ZNF385B: variants seen among roughly 807,000 people sequenced by gnomAD.
The protein encoded by ZNF385B is zinc finger protein 533.
In ZNF385B, 23 loss-of-function variants were observed where a neutral mutation model predicts 39.2. That is an observed-to-expected ratio of 0.59 (90% CI 0.42 to 0.83). The LOEUF is 0.83. ZNF385B is among the 40% of genes least tolerant of loss of function. ZNF385B has a pLI of 0.00. For synonymous variants in ZNF385B, 205 were observed against 222.6 expected, an observed-to-expected ratio of 0.92 and a Z score of 0.70; for missense variants, 552 against 598.9, an observed-to-expected ratio of 0.92 and a Z score of 0.82.
intron 5 of ZNF385B, among the ~76,000 whole-genome samples, chr2:179,503,873 TC>T (rs2056988923): frequency 7.0e-6 from 1 of 142,456 alleles, no homozygotes; most frequent in Admixed American, 7.0e-5. Flanking sequence ...TTTTTTTTTT[TC>T]ATTCTTTTTT....
chr2:179,590,283 G>T (rs1574920149), intron 3 of ZNF385B, among the ~76,000 whole-genome samples: 1 of 152,238 alleles, frequency 6.6e-6, no homozygotes, highest in East Asian at 1.9e-4. Context: ...TTGTGTCTCT[G>T]ATCTCTCATT....
intron 3 of ZNF385B, among the ~76,000 whole-genome samples, chr2:179,651,137 GA>G (rs929684045): frequency 1.4e-5 from 2 of 145,358 alleles, no homozygotes; most frequent in African/African-American, 5.6e-5. Context: ...TTTCTCCCAA[GA>G]TTTTTTTTTT....
chr2:179,624,116 T>C (rs1418263835), intron 3 of ZNF385B, among the ~76,000 whole-genome samples: 1 of 152,262 alleles, frequency 6.6e-6, no homozygotes, highest in Non-Finnish European at 1.5e-5. Flanking sequence ...AAGAGCCTAC[T>C]TGCACTTCAA....
At chr2:179,758,835 A>G (rs1432615924) in intron 3 of ZNF385B, among the ~76,000 whole-genome samples, 2 of 152,184 alleles carry the variant, frequency 1.3e-5, no homozygotes, top group African/African-American at 4.8e-5. Flanking sequence ...GTGTGCACCA[A>G]TGAGTCCGGC....
At chr2:179,791,019 C>A (rs755716778) in intron 1 of ZNF385B, among the ~76,000 whole-genome samples, 12 of 152,204 alleles carry the variant, frequency 7.9e-5, no homozygotes, top group Non-Finnish European at 1.5e-4. Flanking sequence ...AACAAGTGCT[C>A]CTGTCAGTTC....
intron 1 of ZNF385B, among the ~76,000 whole-genome samples, chr2:179,787,144 CTG>C (rs145863007): frequency 6.6e-6 from 1 of 152,066 alleles, no homozygotes; most frequent in East Asian, 1.9e-4. Context: ...CACATAAACT[CTG>C]TCTCTCAAAT....
chr2:179,728,349 TA>T (rs956538263), intron 3 of ZNF385B, among the ~76,000 whole-genome samples: 1 of 151,956 alleles, frequency 6.6e-6, no homozygotes, highest in Non-Finnish European at 1.5e-5. Context: ...TAAAGGATAC[TA>T]AAAAAAATTA....
At chr2:179,518,443 T>C in intron 5 of ZNF385B, 85 bp downstream of exon 5, 1 of 1,005,576 alleles carries the variant, frequency 9.9e-7, no homozygotes, top group Non-Finnish European at 1.5e-6. Flanking sequence ...CTACAGTATG[T>C]AAATATGAAG....
chr2:179,841,375 A>G (rs1708526440), intron 1 of ZNF385B, among the ~76,000 whole-genome samples: 1 of 152,218 alleles, frequency 6.6e-6, no homozygotes, highest in South Asian at 2.1e-4. Flanking sequence ...CTGAGCCCTG[A>G]TGGAGGAAAA....
chr2:179,838,519 A>G (rs1708370610), intron 1 of ZNF385B, among the ~76,000 whole-genome samples: 1 of 152,202 alleles, frequency 6.6e-6, no homozygotes, highest in South Asian at 2.1e-4. Context: ...ACATCATCCC[A>G]GTATCATTGT....
chr2:179,628,843 C>A (rs894396798), intron 3 of ZNF385B, among the ~76,000 whole-genome samples: 4 of 152,162 alleles, frequency 2.6e-5, no homozygotes, highest in African/African-American at 9.7e-5. Flanking sequence ...ACAGTTTGTA[C>A]AGGAACGACA....
intron 1 of ZNF385B, among the ~76,000 whole-genome samples, chr2:179,850,368 G>A (rs1048376795): frequency 6.6e-6 from 1 of 152,152 alleles, no homozygotes; most frequent in Non-Finnish European, 1.5e-5. Flanking sequence ...TTCAGCTAGA[G>A]GGAGCATGAA....
At chr2:179,642,618 T>C (rs1001115016) in intron 3 of ZNF385B, among the ~76,000 whole-genome samples, 12 of 152,184 alleles carry the variant, frequency 7.9e-5, no homozygotes, top group Non-Finnish European at 1.8e-4. Flanking sequence ...ATTTTCATAA[T>C]AACACTGTTT....
intron 1 of ZNF385B, among the ~76,000 whole-genome samples, chr2:179,792,010 C>T (rs1705358391): frequency 6.6e-6 from 1 of 152,152 alleles, no homozygotes; most frequent in Non-Finnish European, 1.5e-5. Context: ...GACCCACCTG[C>T]CTTGGCCTTC....
At chr2:179,528,983 T>C (rs1163634850) in intron 4 of ZNF385B, among the ~76,000 whole-genome samples, 1 of 152,216 alleles carries the variant, frequency 6.6e-6, no homozygotes, top group Non-Finnish European at 1.5e-5. Flanking sequence ...CAAATAAGAC[T>C]TTCAGTTTAT....
chr2:179,606,348 G>A (rs534488050), intron 3 of ZNF385B, among the ~76,000 whole-genome samples: 2 of 152,236 alleles, frequency 1.3e-5, no homozygotes, highest in South Asian at 2.1e-4. Context: ...CTTTAGGGCT[G>A]GACAGTAGAC....
intron 1 of ZNF385B, among the ~76,000 whole-genome samples, chr2:179,850,517 T>C (rs1487168038): frequency 2.0e-5 from 3 of 152,188 alleles, no homozygotes; most frequent in African/African-American, 4.8e-5. Context: ...ATGAATCTAC[T>C]TCCTTGTCCA....
intron 3 of ZNF385B, among the ~76,000 whole-genome samples, chr2:179,641,425 T>C (rs2106220367): frequency 6.6e-6 from 1 of 152,292 alleles, no homozygotes; most frequent in South Asian, 2.1e-4. Flanking sequence ...TAAGGTGCAT[T>C]TACAGTTTCA....
chr2:179,463,416 C>T (rs533620293), intron 6 of ZNF385B, among the ~76,000 whole-genome samples: 463 of 152,106 alleles, frequency 3.0e-3, no homozygotes, highest in Non-Finnish European at 5.4e-3. Flanking sequence ...AGTTTTGTTA[C>T]GTAGGTATAC....
Sources: allele counts gnomAD v4.1 joint callset (sites outside exome capture counted in the v4.1 genomes callset), GRCh38; gene constraint gnomAD v4.1.1; transcripts MANE v1.5; gene names NCBI Gene and HGNC (gene_info 2026-07-23, HGNC 2026-07-21).